NELL2: variants seen among roughly 807,000 people sequenced by gnomAD.
NELL2 encodes protein kinase C-binding protein NELL2.
Under a neutral mutation model 109.6 loss-of-function variants are expected in NELL2, and 41 were observed. That is an observed-to-expected ratio of 0.37 (90% confidence interval 0.29 to 0.49). The LOEUF (loss-of-function observed/expected upper bound fraction) is 0.49, where lower values mean the gene tolerates loss of function less well. NELL2 is among the 20% of genes least tolerant of loss of function. The pLI, the probability that NELL2 is intolerant of heterozygous loss-of-function variation, is 0.98. For missense variants in NELL2, 900 were observed against 1,008.3 expected (o/e 0.89, Z 1.45); for synonymous variants, 355 against 344.7 (o/e 1.03, Z -0.33).
chr12:44,808,231 G>T, intron 3 of NELL2, among the ~76,000 whole-genome samples: 1 of 152,102 alleles, frequency 6.6e-6, no homozygotes, highest in African/African-American at 2.4e-5. Context: ...GTGTGAAACG[G>T]GGGATGTGTG....
chr12:44,597,436 C>T (rs1004297648), intron 15 of NELL2, among the ~76,000 whole-genome samples: 8 of 152,080 alleles, frequency 5.3e-5, no homozygotes, highest in South Asian at 2.1e-4. Flanking sequence ...AAATAAGTAA[C>T]GTAGAATTTA....
At chr12:44,583,502 A>G (rs909517347) in intron 15 of NELL2, among the ~76,000 whole-genome samples, 2 of 152,210 alleles carry the variant, frequency 1.3e-5, no homozygotes, top group Non-Finnish European at 2.9e-5. Context: ...TTACACACTG[A>G]TAAATGAATA....
At chr12:44,568,224 G>T (rs1943732184) in intron 15 of NELL2, among the ~76,000 whole-genome samples, 2 of 152,122 alleles carry the variant, frequency 1.3e-5, no homozygotes, top group Admixed American at 1.3e-4. Context: ...TAAAGGAAAA[G>T]TTCAAACCCA....
At chr12:44,831,817 T>A (rs1422840209) in intron 2 of NELL2, among the ~76,000 whole-genome samples, 1 of 152,168 alleles carries the variant, frequency 6.6e-6, no homozygotes, top group Non-Finnish European at 1.5e-5. Flanking sequence ...TAATTTCAGG[T>A]GGCAGGACTG....
chr12:44,647,031 C>T (rs966427712), intron 13 of NELL2, among the ~76,000 whole-genome samples: 7 of 152,194 alleles, frequency 4.6e-5, no homozygotes, highest in Non-Finnish European at 7.3e-5. Context: ...ATAGTAAGCA[C>T]AGACCCTGGG....
intron 13 of NELL2, among the ~76,000 whole-genome samples, chr12:44,662,617 A>G (rs1213834440): frequency 1.3e-5 from 2 of 152,236 alleles, no homozygotes; most frequent in Non-Finnish European, 2.9e-5. Flanking sequence ...AAGAAAAAAT[A>G]TGCAATTTGA....
At chr12:44,722,181 C>T (rs1938811408) in intron 9 of NELL2, among the ~76,000 whole-genome samples, 1 of 146,850 alleles carries the variant, frequency 6.8e-6, no homozygotes, top group African/African-American at 2.5e-5. Flanking sequence ...AAATAAGAAA[C>T]TTTTTTTTTT....
chr12:44,718,417 A>G (rs887164022), intron 9 of NELL2, among the ~76,000 whole-genome samples: 1 of 152,130 alleles, frequency 6.6e-6, no homozygotes, highest in African/African-American at 2.4e-5. Flanking sequence ...AGGAATAATC[A>G]TTTTTACTAT....
At chr12:44,531,871 C>T (rs1047477016) in intron 16 of NELL2, among the ~76,000 whole-genome samples, 3 of 152,124 alleles carry the variant, frequency 2.0e-5, no homozygotes, top group Admixed American at 1.3e-4. Flanking sequence ...TCTTTCAGTG[C>T]GGGTAGTTTC....
intron 13 of NELL2, among the ~76,000 whole-genome samples, chr12:44,639,701 C>G (rs766662669): frequency 2.6e-5 from 4 of 152,086 alleles, no homozygotes; most frequent in Non-Finnish European, 4.4e-5. Context: ...TAAAATGGTC[C>G]TCTTAATTCC....
At chr12:44,660,239 T>C (rs1947689765) in intron 13 of NELL2, among the ~76,000 whole-genome samples, 1 of 152,176 alleles carries the variant, frequency 6.6e-6, no homozygotes, top group African/African-American at 2.4e-5. Flanking sequence ...CTTACAATTT[T>C]AATTGGGTGA....
At chr12:44,889,608 C>T (rs932957961) in intron 1 of NELL2, among the ~76,000 whole-genome samples, 2 of 151,904 alleles carry the variant, frequency 1.3e-5, no homozygotes, top group Non-Finnish European at 2.9e-5. Flanking sequence ...TGACTGTTAA[C>T]GTGAAAGGCT....
intron 7 of NELL2, 134 bp downstream of exon 7, chr12:44,776,908 G>T: frequency 1.4e-6 from 1 of 712,112 alleles, no homozygotes; most frequent in Non-Finnish European, 2.4e-6. Context: ...CTTAAGCAGA[G>T]ATTTAGATTC....
At chr12:44,862,601 A>T (rs1351497218) in intron 2 of NELL2, among the ~76,000 whole-genome samples, 3 of 152,238 alleles carry the variant, frequency 2.0e-5, no homozygotes, top group Non-Finnish European at 4.4e-5. Context: ...TTCAGCCTCA[A>T]AAAGCATGTT....
intron 15 of NELL2, among the ~76,000 whole-genome samples, chr12:44,590,879 A>G (rs2136225144): frequency 6.6e-6 from 1 of 151,958 alleles, no homozygotes; most frequent in Non-Finnish European, 1.5e-5. Flanking sequence ...TATCCAAGGA[A>G]TTAATATGCA....
intron 1 of NELL2, among the ~76,000 whole-genome samples, chr12:44,909,093 G>C (rs1476673982): frequency 4.6e-5 from 7 of 151,766 alleles, no homozygotes; most frequent in South Asian, 2.1e-4. Flanking sequence ...AATCAGGCAA[G>C]AGAAAGAAAT....
chr12:44,525,873 T>A (rs1941746161), intron 16 of NELL2, among the ~76,000 whole-genome samples: 1 of 152,188 alleles, frequency 6.6e-6, no homozygotes. Flanking sequence ...TCTCTAGGTT[T>A]GGCAATTATA....
intron 9 of NELL2, among the ~76,000 whole-genome samples, chr12:44,730,074 G>T (rs1485685859): frequency 6.6e-6 from 1 of 152,242 alleles, no homozygotes; most frequent in Middle Eastern, 3.4e-3. Flanking sequence ...AGACAAGAGG[G>T]TTTATATACC....
chr12:44,624,763 T>C (rs887621861), intron 13 of NELL2, among the ~76,000 whole-genome samples: 2 of 150,112 alleles, frequency 1.3e-5, no homozygotes, highest in Admixed American at 6.7e-5. Context: ...AAGTTGACGG[T>C]GACTCACTAA....
Sources: gnomAD v4.1 joint callset for allele counts (sites outside exome capture counted in the v4.1 genomes callset) on GRCh38, gnomAD v4.1.1 for gene constraint, MANE v1.5 for transcripts, NCBI Gene and HGNC (gene_info 2026-07-23, HGNC 2026-07-21) for gene names.